AMMECR1: variants seen among roughly 807,000 people sequenced by gnomAD.
AMMECR1 encodes nuclear protein AMMECR1.
Under a neutral mutation model 22.5 loss-of-function variants are expected in AMMECR1, and 3 were observed. The observed-to-expected ratio is 0.13, with a 90% CI of 0.06 to 0.35. The LOEUF (loss-of-function observed/expected upper bound fraction) is 0.35. AMMECR1 is among the 10% of genes least tolerant of loss of function. The pLI is 1.00. For synonymous variants in AMMECR1, 130 were observed against 116.7 expected (o/e 1.11, Z -0.74); for missense variants, 235 against 278.7 (o/e 0.84, Z 1.12).
intron 1 of AMMECR1, among the ~76,000 whole-genome samples, chrX:110,437,379 C>T (rs754010300): frequency 3.6e-5 from 4 of 112,440 alleles, no homozygotes; most frequent in South Asian, 3.7e-4. Context: ...TGCATCATCA[C>T]ATTCAGTCTT....
At chrX:110,300,837 T>C (rs2067962663) in intron 1 of AMMECR1, among the ~76,000 whole-genome samples, 1 of 111,985 alleles carries the variant, frequency 8.9e-6, no homozygotes, top group Admixed American at 9.5e-5. Context: ...GTTTCCAATA[T>C]GTTTAGATAA....
intron 1 of AMMECR1, among the ~76,000 whole-genome samples, chrX:110,268,682 G>A (rs1486644779): frequency 9.0e-6 from 1 of 111,644 alleles, no homozygotes; most frequent in African/African-American, 3.3e-5. Flanking sequence ...GGAAGGAATA[G>A]GCAATTTCAT....
intron 2 of AMMECR1, among the ~76,000 whole-genome samples, chrX:110,220,314 C>T (rs1457642456): frequency 5.4e-5 from 6 of 111,536 alleles, no homozygotes; most frequent in East Asian, 2.8e-4. Context: ...TGATCTCATA[C>T]CTGTGGTACC....
At chrX:110,327,645 G>C (rs1301090761) in intron 2 of AMMECR1, among the ~76,000 whole-genome samples, 1 of 111,493 alleles carries the variant, frequency 9.0e-6, no homozygotes, top group African/African-American at 3.3e-5. Context: ...GAGGAACAAA[G>C]AAATGAGATG....
At chrX:110,278,013 T>C (rs2067834885) in intron 1 of AMMECR1, among the ~76,000 whole-genome samples, 1 of 111,984 alleles carries the variant, frequency 8.9e-6, no homozygotes. Flanking sequence ...TCGCTATTTT[T>C]AAAGGCCTAT....
At chrX:110,318,542 A>C (rs1035788171), upstream of AMMECR1, among the ~76,000 whole-genome samples, 7 of 110,341 alleles carry the variant, frequency 6.3e-5, no homozygotes, top group Non-Finnish European at 9.5e-5. Context: ...CAGGTCCCAA[A>C]GCACAGCTCA....
chrX:110,345,531 C>T (rs1034529155), intron 2 of AMMECR1, among the ~76,000 whole-genome samples: 2 of 108,015 alleles, frequency 1.9e-5, no homozygotes, highest in Admixed American at 9.9e-5. Context: ...AAGAAAAAAA[C>T]TTGAAAATAG....
intron 2 of AMMECR1, among the ~76,000 whole-genome samples, chrX:110,422,326 A>T (rs758970116): frequency 8.9e-6 from 1 of 112,806 alleles, no homozygotes; most frequent in East Asian, 2.8e-4. Flanking sequence ...ACCTGTTGCC[A>T]TGTGCCACTC....
intron 1 of AMMECR1, among the ~76,000 whole-genome samples, chrX:110,272,096 G>T (rs1419414623): frequency 9.1e-6 from 1 of 109,610 alleles, no homozygotes; most frequent in Non-Finnish European, 1.9e-5. Flanking sequence ...GGCGCCTGTA[G>T]TCCCAGCTAC....
intron 2 of AMMECR1, among the ~76,000 whole-genome samples, chrX:110,353,063 A>G (rs994020655): frequency 3.6e-5 from 4 of 111,939 alleles, no homozygotes; most frequent in Non-Finnish European, 5.6e-5. Flanking sequence ...TTTTTCTAGG[A>G]ATTTATCCAC....
chrX:110,366,570 C>T lies in AMMECR1; in HGVS notation c.-147-48721G>A, dbSNP rs771373375. 1.6e-3 allele frequency among the ~76,000 whole-genome samples: 175 copies of T among 111,668 alleles called. 1 individual carries two copies. The highest frequency in any genetic ancestry group is 5.6e-3 in the African/African-American group (172 of 30,747). On this transcript the variant is annotated intron_variant, in intron 2 of 7. Coordinates refer to the AMMECR1 transcript ENST00000372057. Reference sequence around the variant, plus strand: ...TGCTAAACTATAGAGTACTGTCCCTCAGCCCCCTAGTGTCTCCATTTTCTT... The same window carrying T: ...TGCTAAACTATAGAGTACTGTCCCTTAGCCCCCTAGTGTCTCCATTTTCTT...
At chrX:110,288,441 T>A (rs2067891847) in intron 1 of AMMECR1, among the ~76,000 whole-genome samples, 1 of 112,048 alleles carries the variant, frequency 8.9e-6, no homozygotes, top group East Asian at 2.8e-4. Flanking sequence ...TCTCTTGATT[T>A]CTCCTCACAA....
chrX:110,330,541 G>A (rs1224177216), intron 2 of AMMECR1, among the ~76,000 whole-genome samples: 1 of 111,965 alleles, frequency 8.9e-6, no homozygotes, highest in East Asian at 2.8e-4. Context: ...ATGTTCGTTG[G>A]CTCTAATAAT....
chrX:110,350,920 T>A (rs2068208926), intron 2 of AMMECR1, among the ~76,000 whole-genome samples: 1 of 110,587 alleles, frequency 9.0e-6, no homozygotes, highest in Non-Finnish European at 1.9e-5. Flanking sequence ...CTGCAGTGAG[T>A]CATGATTGCA....
chrX:110,422,331 C>T (rs1380998119), intron 2 of AMMECR1, among the ~76,000 whole-genome samples: 1 of 112,822 alleles, frequency 8.9e-6, no homozygotes, highest in East Asian at 2.8e-4. Context: ...TTGCCATGTG[C>T]CACTCAGTGT....
chrX:110,427,562 GC>G (rs1162112412), intron 1 of AMMECR1, among the ~76,000 whole-genome samples: 2 of 111,868 alleles, frequency 1.8e-5, no homozygotes, highest in African/African-American at 6.5e-5. Flanking sequence ...AATGGAGGGA[GC>G]TTTTAAAAGT....
chrX:110,401,840 A>T (rs1303560136), intron 2 of AMMECR1, among the ~76,000 whole-genome samples: 2 of 112,541 alleles, frequency 1.8e-5, no homozygotes, highest in Non-Finnish European at 3.8e-5. Context: ...ATGACATGAG[A>T]TAACACACTT....
intron 2 of AMMECR1, among the ~76,000 whole-genome samples, chrX:110,238,740 G>A: frequency 8.9e-6 from 1 of 112,372 alleles, no homozygotes; most frequent in South Asian, 3.7e-4. Context: ...TGACCCCCGT[G>A]CCTCCTGACT....
At chrX:110,284,867 T>C in intron 1 of AMMECR1, among the ~76,000 whole-genome samples, 1 of 112,076 alleles carries the variant, frequency 8.9e-6, no homozygotes, top group East Asian at 2.8e-4. Flanking sequence ...TCATCACCAG[T>C]GATGGCAACA....
Sources: allele counts gnomAD v4.1 joint callset (sites outside exome capture counted in the v4.1 genomes callset), GRCh38; gene constraint gnomAD v4.1.1; transcripts MANE v1.5; gene names NCBI Gene and HGNC (gene_info 2026-07-23, HGNC 2026-07-21).